Variants in CCDC171 observed in about 807,000 individuals in gnomAD.
CCDC171 encodes coiled-coil domain containing 171.
CCDC171 carries 177 observed loss-of-function variants against 168.2 expected under a neutral mutation model. The ratio of observed to expected loss-of-function variants is 1.05; its 90% CI spans 0.93 to 1.19. CCDC171 has a LOEUF of 1.19. Ranked by LOEUF, CCDC171 falls within the 50% of genes most tolerant of loss-of-function variation. The probability of loss-of-function intolerance (pLI) is 0.00; values close to 1 mark genes in which losing one functional copy is unlikely to be tolerated. For synonymous variants in CCDC171, 687 were observed against 540.8 expected, an observed-to-expected ratio of 1.27 and a Z score of -3.75; for missense variants, 1,991 against 1,539.0, an observed-to-expected ratio of 1.29 and a Z score of -4.91.
At chr9:15,844,305 A>G (rs2130698981) in intron 21 of CCDC171, among the ~76,000 whole-genome samples, 1 of 152,150 alleles carries the variant, frequency 6.6e-6, no homozygotes, top group African/African-American at 2.4e-5. Flanking sequence ...TTATAAATAT[A>G]TATGTGATGT....
chr9:16,008,453 A>G (rs927366048), intron 3 of CCDC171, among the ~76,000 whole-genome samples: 1 of 151,970 alleles, frequency 6.6e-6, no homozygotes, highest in South Asian at 2.1e-4. Context: ...CTTTAATCTC[A>G]TCTAATATAG....
At chr9:16,052,288 C>T (rs1266404464) in intron 1 of CCDC171, among the ~76,000 whole-genome samples, 2 of 152,114 alleles carry the variant, frequency 1.3e-5, no homozygotes, top group Admixed American at 1.3e-4. Flanking sequence ...GCTGTTTCTC[C>T]AGCACGTCAT....
chr9:15,749,357 C>T (rs1449052672), intron 18 of CCDC171, among the ~76,000 whole-genome samples: 1 of 152,068 alleles, frequency 6.6e-6, no homozygotes. Flanking sequence ...ACTTAGACTC[C>T]CACACAATAA....
intron 25 of CCDC171, among the ~76,000 whole-genome samples, chr9:15,929,141 G>C (rs1274077831): frequency 2.0e-5 from 3 of 151,574 alleles, no homozygotes; most frequent in Non-Finnish European, 4.4e-5. Flanking sequence ...CAGTGATGAA[G>C]TTTTACAAGG....
intron 23 of CCDC171, among the ~76,000 whole-genome samples, chr9:15,868,456 T>C (rs1448151017): frequency 2.0e-5 from 3 of 151,270 alleles, no homozygotes; most frequent in African/African-American, 4.9e-5. Context: ...ACTTGTTTCT[T>C]AGTGTAATAA....
chr9:15,789,924 C>T (rs1314708029), intron 21 of CCDC171, among the ~76,000 whole-genome samples: 1 of 152,150 alleles, frequency 6.6e-6, no homozygotes, highest in Non-Finnish European at 1.5e-5. Flanking sequence ...CTATAAAGGA[C>T]ATGAACTCAT....
chr9:15,987,855 C>T (rs1832044540), intron 3 of CCDC171, among the ~76,000 whole-genome samples: 1 of 148,198 alleles, frequency 6.7e-6, no homozygotes, highest in African/African-American at 2.5e-5. Flanking sequence ...TTCATATATA[C>T]CTTATACACA....
chr9:15,559,737 G>C (rs1479312090), intron 1 of CCDC171, among the ~76,000 whole-genome samples: 5 of 152,052 alleles, frequency 3.3e-5, no homozygotes, highest in Non-Finnish European at 7.4e-5. Flanking sequence ...TACATTTAAA[G>C]TTAATATTGG....
chr9:15,989,363 G>T (rs961625146), intron 3 of CCDC171, among the ~76,000 whole-genome samples: 1 of 152,120 alleles, frequency 6.6e-6, no homozygotes, highest in Non-Finnish European at 1.5e-5. Flanking sequence ...TGCAGCTGAG[G>T]GTCCTGACTG....
chr9:15,982,087 C>G (rs1300956328), intron 3 of CCDC171, among the ~76,000 whole-genome samples: 2 of 152,158 alleles, frequency 1.3e-5, no homozygotes, highest in African/African-American at 2.4e-5. Flanking sequence ...GATTCTGGCT[C>G]TTTCTGACAT....
chr9:15,560,529 AGCTTGT>A (rs1297683596), intron 1 of CCDC171, among the ~76,000 whole-genome samples: 3 of 152,106 alleles, frequency 2.0e-5, no homozygotes, highest in Non-Finnish European at 4.4e-5. Flanking sequence ...CGGCTACTGA[AGCTTGT>A]GCATTCGTCA....
intron 6 of CCDC171, among the ~76,000 whole-genome samples, chr9:15,598,532 G>T (rs977971958): frequency 1.3e-5 from 2 of 152,088 alleles, no homozygotes; most frequent in Non-Finnish European, 2.9e-5. Context: ...TATAATTTCT[G>T]TTCTTTTACA....
chr9:15,609,607 A>C (rs1030185192), intron 6 of CCDC171, among the ~76,000 whole-genome samples: 2 of 152,204 alleles, frequency 1.3e-5, no homozygotes, highest in Non-Finnish European at 2.9e-5. Context: ...ATATTGATTT[A>C]TAGTGTCATT....
the CCDC171 span, among the ~76,000 whole-genome samples, chr9:16,100,197 A>G: frequency 2.0e-5 from 3 of 152,158 alleles, no homozygotes; most frequent in Admixed American, 6.5e-5. Context: ...CATCTTATTG[A>G]ACTAAATTGA....
At chr9:16,059,109 G>A (rs960118729) in intron 1 of CCDC171, among the ~76,000 whole-genome samples, 1 of 152,150 alleles carries the variant, frequency 6.6e-6, no homozygotes, top group African/African-American at 2.4e-5. Flanking sequence ...CCAAGCACCC[G>A]AGACAGTGTC....
Position 15,815,260 on chromosome 9 carries a change from T to G in CCDC171, c.3267+30566T>G, listed in dbSNP as rs76098566. Among the ~76,000 whole-genome samples, 968 of 152,264 alleles carry G rather than the reference T, an allele frequency of 6.4e-3. 6 individuals carry two copies. Among genetic ancestry groups the G allele is most frequent in the Non-Finnish European group, 0.01 (712 of 68,008 alleles). On this transcript the variant is annotated intron_variant, in intron 21 of 25. Coordinates refer to ENST00000380701, the MANE Select transcript of CCDC171 (RefSeq NM_173550.4). The stretch of plus-strand genomic sequence containing the variant: ...CATTCCTTGCCTTTCTGTAGCTGCT[T>G]TGGGTTTTTCTCTCCCATGTCTCAT...
chr9:16,107,610 C>T, the CCDC171 span, among the ~76,000 whole-genome samples: 1 of 152,104 alleles, frequency 6.6e-6, no homozygotes, highest in Non-Finnish European at 1.5e-5. Flanking sequence ...CACATATATA[C>T]ATACACATAT....
Position 15,809,405 on chromosome 9 carries a change from G to A in CCDC171, c.3267+24711G>A, listed in dbSNP as rs967353826. ...TGTGTCTGAAATTGGTGGGTTCCTG[G>A]TCTCACTGACTTCAAGAATGAAGCT... On this transcript the variant is annotated intron_variant, in intron 21 of 25. Transcript: ENST00000380701. Among the ~76,000 whole-genome samples the A allele has an allele frequency of 7.9e-5, 12 of 152,112 alleles. 1 individual carries two copies. Among genetic ancestry groups the A allele is most frequent in the Admixed American group, 3.3e-4 (5 of 15,268 alleles).
intron 24 of CCDC171, among the ~76,000 whole-genome samples, chr9:15,902,733 G>T (rs1406071444): frequency 6.6e-6 from 1 of 152,204 alleles, no homozygotes; most frequent in East Asian, 1.9e-4. Flanking sequence ...GCAGGGCAAG[G>T]CATCACCTCA....
Sources: allele counts gnomAD v4.1 joint callset (sites outside exome capture counted in the v4.1 genomes callset), GRCh38; gene constraint gnomAD v4.1.1; transcripts MANE v1.5; gene names NCBI Gene and HGNC (gene_info 2026-07-23, HGNC 2026-07-21).